Variants in ARID3B observed in about 807,000 individuals in gnomAD.
ARID3B encodes the protein AT-rich interactive domain-containing protein 3B.
Under a neutral mutation model 51.9 loss-of-function variants are expected in ARID3B, and 10 were observed. The ratio of observed to expected loss-of-function variants is 0.19; its 90% CI spans 0.12 to 0.33. The LOEUF (loss-of-function observed/expected upper bound fraction) is 0.33, where lower values mean the gene tolerates loss of function less well. Ranked by LOEUF, ARID3B falls within the 10% of genes least tolerant of loss-of-function variation. The pLI, the probability that ARID3B is intolerant of heterozygous loss-of-function variation, is 1.00. For synonymous variants in ARID3B, 205 were observed against 279.5 expected (o/e 0.73, Z 2.66); for missense variants, 483 against 716.3 (o/e 0.67, Z 3.72).
rs200797671 is a variant in ARID3B at position 74,591,208 on chromosome 15, C to T, written c.939C>T (p.Ala313=). 2.7e-5 allele frequency: 44 copies of T among 1,613,422 alleles called. No individual in the cohort carries two copies. Among genetic ancestry groups the T allele is most frequent in the East Asian group, 6.7e-5 (3 of 44,854 alleles). ...AGAAGAAAGCCTTGAGTTCCCCAGC[C>T]GAGCTCCAGGCAGCAATTGATGGCA... The part of the protein sequence containing the change: ...ECEKKALSSP[A]ELQAAIDGNR... Residue 313 remains alanine (A), a synonymous_variant, in exon 6 of 9, where the codon GCC becomes GCT. Coordinates refer to ENST00000346246, the MANE Select transcript of ARID3B (RefSeq NM_006465.4). This position sits in a 1 kb window ranked among gnomAD's most constrained non-coding sequence, Gnocchi z 5.8.
chr15:74,560,643 G>GTGTCCTGTTGCC (rs1353874104), intron 2 of ARID3B, among the ~76,000 whole-genome samples: 1 of 152,148 alleles, frequency 6.6e-6, no homozygotes, highest in Non-Finnish European at 1.5e-5. Flanking sequence ...AAATACCATG[G>GTGTCCTGTTGCC]TGTCCTGTTG....
In ARID3B at chr15:74,573,332, G is replaced by A. The variant is rs148320727; in HGVS notation, c.697+128G>A. ...GGAGGAGAAGAGGCATTTACTGCCA[G>A]TTGGTTCTGGATTTAGCCAATTAAC... is the stretch of plus-strand genomic sequence containing the variant. On this transcript the variant is annotated intron_variant, in intron 4 of 8. Coordinates refer to ENST00000346246, the MANE Select transcript of ARID3B (RefSeq NM_006465.4). 7.5e-4 allele frequency: 784 copies of A among 1,038,764 alleles called. 5 individuals are homozygous for A. Among genetic ancestry groups the A allele is most frequent in the South Asian group, 4.8e-3 (368 of 76,404 alleles). The allele number at this position is 1,038,764 out of a possible 1,614,324, so 64.3% of individuals were successfully genotyped here. A position where few individuals can be genotyped will look rare whatever the true frequency, so the allele number is the denominator to read the frequency against.
intron 4 of ARID3B, among the ~76,000 whole-genome samples, chr15:74,578,122 A>G (rs6495115): frequency 0.24 from 36,126 of 149,850 alleles, 5,727 homozygotes; most frequent in East Asian, 0.55. Flanking sequence ...CTCCCAAAGT[A>G]CTGGAATTAC....
At chr15:74,583,923 G>T (rs970806148) in intron 4 of ARID3B, among the ~76,000 whole-genome samples, 3 of 152,218 alleles carry the variant, frequency 2.0e-5, no homozygotes, top group Admixed American at 2.0e-4. Flanking sequence ...CCTCTGGCCT[G>T]TCTTGTGGAA....
intron 2 of ARID3B, among the ~76,000 whole-genome samples, chr15:74,565,194 G>C (rs536596418): frequency 6.6e-6 from 1 of 152,140 alleles, no homozygotes; most frequent in South Asian, 2.1e-4. Context: ...ATAGGCATGT[G>C]CCACCATGCC....
chr15:74,597,909 G>C lies in ARID3B; in HGVS notation c.*2135G>C, dbSNP rs1226989501. On this transcript the variant is annotated 3_prime_UTR_variant, in exon 9 of 9. Transcript: ENST00000346246. Reference sequence around the variant, plus strand: ...CGAGTGGGGCCTTGGCCCAAGCAGAGCTTCCCCTGAAGGTGCCATCAGCCA... The same window carrying C: ...CGAGTGGGGCCTTGGCCCAAGCAGACCTTCCCCTGAAGGTGCCATCAGCCA... 1 of 530,020 alleles carries C rather than the reference G, an allele frequency of 1.9e-6. No homozygotes were observed. The highest frequency in any genetic ancestry group is 2.2e-5 in the Admixed American group (1 of 44,826). 32.8% of individuals were successfully genotyped at this position (530,020 alleles called of 1,614,324 possible). A position where few individuals can be genotyped will look rare whatever the true frequency, so the allele number is the denominator to read the frequency against.
At position 74,549,236 on chromosome 15, in the gene ARID3B, G is replaced by A. The variant is rs554587456; in HGVS notation, c.552+4748G>A. 1.5e-4 allele frequency among the ~76,000 whole-genome samples: 22 copies of A among 151,552 alleles called. 1 individual carries two copies. The South Asian group carries it at 4.1e-3, about 28-fold the overall frequency. ...ACTACAGGTGCCCGCCACCACGCCC[G>A]GCTAATTTTTTTGTATTTTTAGTAG... On this transcript the variant is annotated intron_variant, in intron 2 of 8. Coordinates refer to ENST00000346246, the MANE Select transcript of ARID3B (RefSeq NM_006465.4).
At chr15:74,549,379 T>C (rs1434545475) in intron 2 of ARID3B, among the ~76,000 whole-genome samples, 1 of 152,068 alleles carries the variant, frequency 6.6e-6, no homozygotes, top group East Asian at 1.9e-4. Flanking sequence ...CCGGCCGGGA[T>C]AGGCCTACTT....
chr15:74,584,908 G>A (rs149420566), intron 4 of ARID3B, among the ~76,000 whole-genome samples: 124 of 152,274 alleles, frequency 8.1e-4, no homozygotes, highest in Admixed American at 1.2e-3. Flanking sequence ...TTTTACATCC[G>A]TCCCTCAGGC....
intron 4 of ARID3B, among the ~76,000 whole-genome samples, chr15:74,577,034 T>G (rs2061740692): frequency 6.6e-6 from 1 of 152,174 alleles, no homozygotes; most frequent in Non-Finnish European, 1.5e-5. Context: ...AAATATTGGC[T>G]TTCAGGAAAC....
chr15:74,563,357 C>T (rs2061686173), intron 2 of ARID3B, among the ~76,000 whole-genome samples: 1 of 152,194 alleles, frequency 6.6e-6, no homozygotes, highest in Non-Finnish European at 1.5e-5. Context: ...TGACTGTGTT[C>T]TGCCTGAGGA....
chr15:74,594,324 T>C (rs1315215859), intron 8 of ARID3B, among the ~76,000 whole-genome samples: 2 of 152,120 alleles, frequency 1.3e-5, no homozygotes, highest in Non-Finnish European at 2.9e-5. Context: ...GGCGGGTGCC[T>C]GTAGTCCCAG....
intron 4 of ARID3B, among the ~76,000 whole-genome samples, chr15:74,578,838 G>A (rs867170728): frequency 2.6e-4 from 39 of 152,154 alleles, no homozygotes; most frequent in Non-Finnish European, 1.3e-4. Flanking sequence ...AGGCTACAGT[G>A]AGCTGAGTTC....
intron 2 of ARID3B, among the ~76,000 whole-genome samples, chr15:74,567,480 T>C (rs1474819198): frequency 6.6e-6 from 1 of 152,028 alleles, no homozygotes; most frequent in Non-Finnish European, 1.5e-5. Flanking sequence ...TGCACAATGC[T>C]CTACCTGGGG....
intron 7 of ARID3B, 132 bp from the exon 8 acceptor site, chr15:74,593,004 ACT>A: frequency 1.5e-6 from 1 of 671,830 alleles, no homozygotes. Flanking sequence ...CATACCCTAC[ACT>A]CAGGAGAAGG....
At chr15:74,542,770 CCATT>C (rs931744646) in intron 1 of ARID3B, among the ~76,000 whole-genome samples, 5 of 152,086 alleles carry the variant, frequency 3.3e-5, no homozygotes, top group African/African-American at 9.7e-5. Context: ...GCATAGTAAT[CCATT>C]CAGTTATGGA....
chr15:74,544,326 A>G lies in ARID3B; in HGVS notation c.390A>G (p.Gln130=), dbSNP rs769455542. ...TTCATGTGCAGAAAGTAGCTCGCCAAGATCCCAGAGTGGCACCCATGTCCA... is the reference window on the plus strand; with the variant it reads ...TTCATGTGCAGAAAGTAGCTCGCCAGGATCCCAGAGTGGCACCCATGTCCA... ...KYFHVQKVAR[Q]DPRVAPMSNL... The change falls in exon 2 of 9, where the codon CAA becomes CAG. Residue 130 remains glutamine, a synonymous_variant. Transcript: ENST00000346246. 1.7e-5 allele frequency: 27 copies of G among 1,612,082 alleles called. No homozygotes were observed. The African/African-American group carries it at 2.8e-4, about 17-fold the overall frequency.
chr15:74,582,898 G>A (rs1318904259), intron 4 of ARID3B, among the ~76,000 whole-genome samples: 1 of 152,092 alleles, frequency 6.6e-6, no homozygotes, highest in Non-Finnish European at 1.5e-5. Context: ...CACAGCCGTA[G>A]AAAGTTATGA....
At chr15:74,545,964 A>C (rs548767660) in intron 2 of ARID3B, among the ~76,000 whole-genome samples, 8 of 152,346 alleles carry the variant, frequency 5.3e-5, no homozygotes, top group African/African-American at 1.9e-4. Flanking sequence ...GAGCTAGCAC[A>C]TGTGAAAGCT....
Sources: gnomAD v4.1 joint callset for allele counts (sites outside exome capture counted in the v4.1 genomes callset) on GRCh38, gnomAD v4.1.1 for gene constraint, Gnocchi (gnomAD v3.1) non-coding constraint, MANE v1.5 for transcripts, NCBI Gene and HGNC (gene_info 2026-07-23, HGNC 2026-07-21) for gene names.